The following TENM2 variants were observed in gnomAD, a reference collection of about 807,000 sequenced individuals.
The protein encoded by TENM2 is teneurin-2.
A neutral mutation model predicts 245.2 loss-of-function variants in TENM2; 52 were observed. The ratio of observed to expected loss-of-function variants is 0.21; its 90% CI spans 0.17 to 0.27. The LOEUF (loss-of-function observed/expected upper bound fraction) is 0.27. Ranked by LOEUF, TENM2 falls within the 10% of genes least tolerant of loss-of-function variation. TENM2 has a pLI of 1.00. For missense variants in TENM2, 3,046 were observed against 3,666.8 expected (o/e 0.83, Z 4.37); for synonymous variants, 1,363 against 1,438.9 (o/e 0.95, Z 1.19).
intron 2 of TENM2, among the ~76,000 whole-genome samples, chr5:167,771,645 C>T (rs977406259): frequency 8.5e-5 from 13 of 152,142 alleles, no homozygotes; most frequent in African/African-American, 3.1e-4. Flanking sequence ...GTCTCATGAC[C>T]AATCCTCTCT....
At chr5:167,191,710 A>G in the TENM2 span, among the ~76,000 whole-genome samples, 1 of 152,068 alleles carries the variant, frequency 6.6e-6, no homozygotes, top group Non-Finnish European at 1.5e-5. Context: ...CGGTTCTACA[A>G]AAGAAGAACC....
chr5:167,353,497 G>GTTTTT (rs1462789214), intron 1 of TENM2, among the ~76,000 whole-genome samples: 8 of 68,940 alleles, frequency 1.2e-4, no homozygotes, highest in Admixed American at 4.2e-4. Context: ...TGTTGTTGTT[G>GTTTTT]TTGTTTTTTT....
At chr5:167,915,567 C>T (rs1048129020) in intron 3 of TENM2, among the ~76,000 whole-genome samples, 20 of 152,154 alleles carry the variant, frequency 1.3e-4, no homozygotes, top group Non-Finnish European at 2.8e-4. Flanking sequence ...GTCTCACTTT[C>T]CCAGCAAAAT....
chr5:167,934,732 C>A, intron 3 of TENM2: 1 of 295,172 alleles, frequency 3.4e-6, no homozygotes, highest in Non-Finnish European at 5.0e-6. Flanking sequence ...ATACCAATAT[C>A]GCTCGAACCT....
At chr5:167,898,783 GAGA>G (rs1035070989) in intron 3 of TENM2, among the ~76,000 whole-genome samples, 3 of 152,186 alleles carry the variant, frequency 2.0e-5, no homozygotes, top group African/African-American at 7.2e-5. Flanking sequence ...GGAGGGAAAT[GAGA>G]AGGAGGAGTC....
intron 2 of TENM2, among the ~76,000 whole-genome samples, chr5:167,445,369 A>AGAGAGTGAGT (rs35699708): frequency 5.7e-4 from 56 of 98,600 alleles, no homozygotes; most frequent in African/African-American, 2.6e-3. Flanking sequence ...AGAGAGAGAG[A>AGAGAGTGAGT]GTGTCAGGTG....
intron 2 of TENM2, among the ~76,000 whole-genome samples, chr5:167,821,904 G>C (rs1007359341): frequency 6.6e-6 from 1 of 152,042 alleles, no homozygotes. Flanking sequence ...CAAAAGCCCC[G>C]CGTACTTCTC....
At chr5:168,103,730 C>T (rs929588305) in intron 9 of TENM2, among the ~76,000 whole-genome samples, 13 of 152,142 alleles carry the variant, frequency 8.5e-5, no homozygotes, top group South Asian at 2.1e-4. Flanking sequence ...GTGTGTGTGC[C>T]TTTGTTCCCC....
intron 2 of TENM2, among the ~76,000 whole-genome samples, chr5:167,865,153 C>G (rs1264341598): frequency 1.3e-5 from 2 of 152,204 alleles, no homozygotes; most frequent in African/African-American, 4.8e-5. Context: ...GACAGCATTG[C>G]CCACATAGTT....
chr5:168,087,608 C>CAA (rs111574327), intron 7 of TENM2, among the ~76,000 whole-genome samples: 16 of 111,824 alleles, frequency 1.4e-4, no homozygotes, highest in African/African-American at 4.2e-4. Flanking sequence ...GACTCCATCT[C>CAA]AAAAAAAAAA....
In TENM2 at chr5:168,026,036, T is replaced by C. The variant is rs538521543; in HGVS notation, c.1187-21391T>C. 6.6e-5 allele frequency among the ~76,000 whole-genome samples: 10 copies of C among 152,268 alleles called. No homozygotes were observed. In the South Asian group the frequency reaches 2.1e-3, roughly 32 times the overall value. ...ATAATAAGTTGTCTGTACAACTCTC[T>C]GGGGAAGATCATAGTTGGGAGTGCT... On this transcript the variant is annotated intron_variant, in intron 5 of 28. Transcript: ENST00000518659.
chr5:167,952,017 C>T (rs904855512), intron 3 of TENM2, among the ~76,000 whole-genome samples: 4 of 152,208 alleles, frequency 2.6e-5, no homozygotes, highest in African/African-American at 9.6e-5. Flanking sequence ...CTCTCTCCCT[C>T]ATTCCCACGT....
chr5:167,635,734 T>G (rs1002619047), intron 2 of TENM2, among the ~76,000 whole-genome samples: 1 of 140,994 alleles, frequency 7.1e-6, no homozygotes, highest in East Asian at 2.3e-4. Context: ...AAGCTCCGCC[T>G]CCCGGGTTCA....
chr5:167,680,707 C>A (rs1477310205), intron 2 of TENM2, among the ~76,000 whole-genome samples: 1 of 152,038 alleles, frequency 6.6e-6, no homozygotes, highest in Non-Finnish European at 1.5e-5. Flanking sequence ...GGACTGAACC[C>A]AATAATGCTT....
intron 5 of TENM2, among the ~76,000 whole-genome samples, chr5:168,045,906 G>A (rs750877112): frequency 1.3e-5 from 2 of 152,086 alleles, no homozygotes; most frequent in East Asian, 3.9e-4. Flanking sequence ...TACATATAAC[G>A]GACAAACTGC....
At chr5:167,993,736 G>A (rs892289427) in intron 5 of TENM2, among the ~76,000 whole-genome samples, 1 of 152,180 alleles carries the variant, frequency 6.6e-6, no homozygotes, top group South Asian at 2.1e-4. Flanking sequence ...GACACACTTG[G>A]CCTTGCCCAT....
intron 1 of TENM2, among the ~76,000 whole-genome samples, chr5:167,290,549 G>A (rs933373692): frequency 6.6e-6 from 1 of 152,110 alleles, no homozygotes; most frequent in African/African-American, 2.4e-5. Flanking sequence ...TGTTTCCCAT[G>A]ACTTGCAAAA....
the TENM2 span, among the ~76,000 whole-genome samples, chr5:167,109,958 A>T: frequency 6.6e-6 from 1 of 152,172 alleles, no homozygotes; most frequent in Non-Finnish European, 1.5e-5. Context: ...AAATTAGAAA[A>T]GTCTTATTTT....
chr5:167,941,126 T>G (rs1375867529), intron 3 of TENM2, among the ~76,000 whole-genome samples: 2 of 152,164 alleles, frequency 1.3e-5, no homozygotes. Context: ...GATGAACAAC[T>G]CAGGACGTCA....
Sources: allele counts gnomAD v4.1 joint callset (sites outside exome capture counted in the v4.1 genomes callset), GRCh38; gene constraint gnomAD v4.1.1; transcripts MANE v1.5; gene names NCBI Gene and HGNC (gene_info 2026-07-23, HGNC 2026-07-21).